CCDC172: variants seen among roughly 807,000 people sequenced by gnomAD.
The protein encoded by CCDC172 is coiled-coil domain-containing protein 172.
In CCDC172, 30 loss-of-function variants were observed where a neutral mutation model predicts 38.0. That is an observed-to-expected ratio of 0.79 (90% CI 0.59 to 1.07). The LOEUF is 1.07. Among genes scored for constraint, CCDC172 ranks in the 50% least tolerant of loss-of-function variants. The pLI is 0.00. For missense variants in CCDC172, 297 were observed against 290.1 expected, an observed-to-expected ratio of 1.02 and a Z score of -0.17; for synonymous variants, 78 against 88.3, an observed-to-expected ratio of 0.88 and a Z score of 0.66.
chr10:116,360,945 G>T (rs1034757319), intron 7 of CCDC172, among the ~76,000 whole-genome samples: 1 of 151,936 alleles, frequency 6.6e-6, no homozygotes, highest in Admixed American at 6.6e-5. Flanking sequence ...ATTTATGCTT[G>T]CCTTCTGCCT....
chr10:116,333,946 C>T (rs1202566292), intron 3 of CCDC172, among the ~76,000 whole-genome samples: 2 of 152,002 alleles, frequency 1.3e-5, no homozygotes. Context: ...CTCGTGTAGG[C>T]TTTGTTGCAT....
At chr10:116,360,078 A>C (rs1164067184) in intron 7 of CCDC172, among the ~76,000 whole-genome samples, 1 of 152,220 alleles carries the variant, frequency 6.6e-6, no homozygotes, top group Non-Finnish European at 1.5e-5. Flanking sequence ...TTATTTAAAC[A>C]TTCTGTTTTG....
intron 7 of CCDC172, among the ~76,000 whole-genome samples, chr10:116,374,322 T>C (rs931660601): frequency 1.2e-4 from 18 of 152,036 alleles, no homozygotes; most frequent in African/African-American, 4.4e-4. Context: ...AGGAAAAAAA[T>C]TGTGTGCTGA....
chr10:116,324,930 TTTATTCTGCTTTC>T lies in CCDC172; in HGVS notation c.-65-16_-65-4del, dbSNP rs573444176. ...AATGGTTCTAGAAGAATCCATCTTC[TTTATTCTGCTTTC>T]CAGGATCCTCAGAGTTGGTTATAAA... On this transcript the variant is annotated splice_region_variant and splice_polypyrimidine_tract_variant and intron_variant, in intron 1 of 8. Coordinates refer to ENST00000333254, the MANE Select transcript of CCDC172 (RefSeq NM_198515.3). The T allele has an allele frequency of 2.1e-3, 2,423 of 1,151,870 alleles. 3 individuals carry two copies. Among genetic ancestry groups the T allele is most frequent in the Non-Finnish European group, 2.2e-3 (1,734 of 771,242 alleles). The allele number at this position is 1,151,870 out of a possible 1,614,324, so 71.4% of individuals were successfully genotyped here.
chr10:116,344,365 G>A (rs758146479), intron 5 of CCDC172, among the ~76,000 whole-genome samples: 3 of 152,206 alleles, frequency 2.0e-5, no homozygotes, highest in Non-Finnish European at 4.4e-5. Flanking sequence ...CTGTAAGCCT[G>A]TACTCAATGT....
At chr10:116,351,093 A>G (rs1413010503) in intron 5 of CCDC172, among the ~76,000 whole-genome samples, 1 of 152,186 alleles carries the variant, frequency 6.6e-6, no homozygotes, top group African/African-American at 2.4e-5. Flanking sequence ...GGATTAAGAA[A>G]GATATATTTC....
intron 7 of CCDC172, among the ~76,000 whole-genome samples, chr10:116,371,013 T>G (rs1333788558): frequency 6.6e-6 from 1 of 151,854 alleles, no homozygotes; most frequent in East Asian, 1.9e-4. Context: ...TTATTTTGTC[T>G]CTCAAACTAT....
At chr10:116,351,014 A>G (rs1168654717) in intron 5 of CCDC172, among the ~76,000 whole-genome samples, 1 of 152,124 alleles carries the variant, frequency 6.6e-6, no homozygotes, top group African/African-American at 2.4e-5. Flanking sequence ...AAATTGGCAT[A>G]TTTGTTTTAT....
intron 1 of CCDC172, 111 bp from the exon 2 acceptor site, chr10:116,324,836 A>G (rs1006793628): frequency 1.6e-6 from 1 of 614,238 alleles, no homozygotes; most frequent in Non-Finnish European, 2.9e-6. Context: ...CCCCTCAGAC[A>G]CCGTCTGGCG....
At chr10:116,330,982 C>T (rs922269715) in intron 3 of CCDC172, among the ~76,000 whole-genome samples, 3 of 152,086 alleles carry the variant, frequency 2.0e-5, no homozygotes, top group African/African-American at 7.2e-5. Context: ...TCAGGTGATC[C>T]TCCCACTTTG....
At chr10:116,366,503 A>C (rs1182255890) in intron 7 of CCDC172, among the ~76,000 whole-genome samples, 1 of 152,180 alleles carries the variant, frequency 6.6e-6, no homozygotes, top group Non-Finnish European at 1.5e-5. Flanking sequence ...ATATTATACT[A>C]TCTGGGATTT....
chr10:116,371,907 A>G (rs1200034863), intron 7 of CCDC172, among the ~76,000 whole-genome samples: 2 of 152,090 alleles, frequency 1.3e-5, no homozygotes, highest in African/African-American at 4.8e-5. Flanking sequence ...TACAGAAGCC[A>G]TTACTTTCAA....
chr10:116,374,054 A>T (rs1845216530), intron 7 of CCDC172, among the ~76,000 whole-genome samples: 1 of 152,158 alleles, frequency 6.6e-6, no homozygotes, highest in African/African-American at 2.4e-5. Flanking sequence ...GTTCTGCTCC[A>T]TTCTTCCCTG....
intron 3 of CCDC172, among the ~76,000 whole-genome samples, chr10:116,328,923 C>T (rs1347428076): frequency 6.6e-6 from 1 of 151,976 alleles, no homozygotes; most frequent in Non-Finnish European, 1.5e-5. Flanking sequence ...TCTTTCTTTA[C>T]ACTTAATCAA....
chr10:116,330,772 T>A (rs1056104722), intron 3 of CCDC172, among the ~76,000 whole-genome samples: 5 of 152,166 alleles, frequency 3.3e-5, no homozygotes, highest in Non-Finnish European at 7.3e-5. Context: ...CTCACTCTGT[T>A]ACCCAGATTG....
chr10:116,358,087 A>C, intron 7 of CCDC172, 149 bp downstream of exon 7: 1 of 564,662 alleles, frequency 1.8e-6, no homozygotes, highest in Non-Finnish European at 3.1e-6. Context: ...ACGTGCTAAT[A>C]AGGAAACACT....
intron 3 of CCDC172, 80 bp downstream of exon 3, chr10:116,325,468 A>G: frequency 9.1e-7 from 1 of 1,094,016 alleles, no homozygotes; most frequent in Non-Finnish European, 1.3e-6. Flanking sequence ...TTCAGTGTTT[A>G]ACCAGTTGTC....
chr10:116,342,275 A>C (rs1402080036), intron 5 of CCDC172, 74 bp downstream of exon 5: 1 of 1,393,950 alleles, frequency 7.2e-7, no homozygotes, highest in African/African-American at 1.5e-5. Flanking sequence ...ATTTTCCAAA[A>C]ATTTAACTTT....
chr10:116,373,431 G>A (rs186486531), intron 7 of CCDC172, among the ~76,000 whole-genome samples: 3 of 152,104 alleles, frequency 2.0e-5, no homozygotes, highest in Admixed American at 2.0e-4. Context: ...GATGATGACC[G>A]AACAAAAAAT....
Sources: gnomAD v4.1 joint callset for allele counts (sites outside exome capture counted in the v4.1 genomes callset) on GRCh38, gnomAD v4.1.1 for gene constraint, MANE v1.5 for transcripts, NCBI Gene and HGNC (gene_info 2026-07-23, HGNC 2026-07-21) for gene names.